The following EYA4 variants were observed in gnomAD, a reference collection of about 807,000 sequenced individuals.
The protein encoded by EYA4 is EYA transcriptional coactivator and phosphatase 4.
In EYA4, 31 loss-of-function variants were observed where a neutral mutation model predicts 87.9. The observed-to-expected ratio is 0.35, with a 90% CI of 0.27 to 0.48. EYA4 has a LOEUF of 0.48. EYA4 is among the 20% of genes least tolerant of loss of function. EYA4 has a pLI of 0.99. For missense variants in EYA4, 678 were observed against 761.4 expected, an observed-to-expected ratio of 0.89 and a Z score of 1.29; for synonymous variants, 263 against 270.6, an observed-to-expected ratio of 0.97 and a Z score of 0.28.
At chr6:133,426,963 A>G (rs1002203205) in intron 3 of EYA4, among the ~76,000 whole-genome samples, 3 of 152,178 alleles carry the variant, frequency 2.0e-5, no homozygotes, top group African/African-American at 7.2e-5. Flanking sequence ...TTCTCTCTAT[A>G]TATCGGAATC....
chr6:133,481,829 A>T (rs964352022), intron 12 of EYA4, among the ~76,000 whole-genome samples: 1 of 152,208 alleles, frequency 6.6e-6, no homozygotes, highest in East Asian at 1.9e-4. Context: ...TGATTTACAG[A>T]TTATTGGCCT....
intron 2 of EYA4, among the ~76,000 whole-genome samples, chr6:133,311,845 A>C (rs1780248181): frequency 6.6e-6 from 1 of 151,948 alleles, no homozygotes; most frequent in Non-Finnish European, 1.5e-5. Context: ...CATAGTAATA[A>C]ATTAATAAAT....
At chr6:133,348,781 C>T (rs1783415603) in intron 2 of EYA4, among the ~76,000 whole-genome samples, 1 of 152,124 alleles carries the variant, frequency 6.6e-6, no homozygotes, top group Admixed American at 6.5e-5. Flanking sequence ...CAACCTAGCT[C>T]AGAGGTTCAT....
At chr6:133,423,156 G>A (rs1790367591) in intron 3 of EYA4, among the ~76,000 whole-genome samples, 3 of 152,104 alleles carry the variant, frequency 2.0e-5, no homozygotes, top group South Asian at 2.1e-4. Context: ...TCAGGGAGGA[G>A]AAAGAGTAAG....
At chr6:133,495,113 A>T (rs964547507) in intron 13 of EYA4, among the ~76,000 whole-genome samples, 1 of 151,744 alleles carries the variant, frequency 6.6e-6, no homozygotes, top group Non-Finnish European at 1.5e-5. Context: ...TGCTAAAAAT[A>T]AAAAAATTAG....
chr6:133,427,961 A>C (rs1790819547), intron 3 of EYA4, among the ~76,000 whole-genome samples: 1 of 152,198 alleles, frequency 6.6e-6, no homozygotes, highest in Non-Finnish European at 1.5e-5. Context: ...AAAGGAGTGA[A>C]CACTTTGGAA....
rs151179883 is a variant in EYA4 at position 133,464,764 on chromosome 6, G to T, written c.725-15G>T. 2.5e-5 allele frequency: 38 copies of T among 1,516,928 alleles called. No individual in the cohort carries two copies. The African/African-American group carries it at 5.1e-4, about 20-fold the overall frequency. The allele number at this position is 1,516,928 out of a possible 1,614,324, so 94.0% of individuals were successfully genotyped here. On this transcript the variant is annotated splice_polypyrimidine_tract_variant and intron_variant, in intron 9 of 19. Coordinates refer to ENST00000355286, the MANE Select transcript of EYA4 (RefSeq NM_004100.5). ...AAGGAATACTTTTAAAATGCAATTT[G>T]TTTTTTACCTCTAGGTTCTAGTTTT...
chr6:133,255,604 AT>A (rs752341726), intron 1 of EYA4, among the ~76,000 whole-genome samples: 83 of 151,286 alleles, frequency 5.5e-4, no homozygotes, highest in South Asian at 1.0e-3. Context: ...CTTTTCAGGC[AT>A]TTTTTTTTCT....
At chr6:133,427,117 G>A (rs1790745042) in intron 3 of EYA4, among the ~76,000 whole-genome samples, 1 of 152,176 alleles carries the variant, frequency 6.6e-6, no homozygotes, top group South Asian at 2.1e-4. Flanking sequence ...ATTAACAGTT[G>A]CATGGTGCTG....
intron 13 of EYA4, among the ~76,000 whole-genome samples, chr6:133,503,708 A>G (rs1258957035): frequency 6.6e-6 from 1 of 152,106 alleles, no homozygotes; most frequent in Non-Finnish European, 1.5e-5. Context: ...AGTTCCCCCA[A>G]CCCTGTCAAA....
At chr6:133,264,939 A>G (rs1342350240) in intron 1 of EYA4, among the ~76,000 whole-genome samples, 1 of 152,120 alleles carries the variant, frequency 6.6e-6, no homozygotes, top group East Asian at 1.9e-4. Flanking sequence ...TCAAGTGATC[A>G]GAGGATTAGG....
chr6:133,384,012 C>T (rs1393070190), intron 3 of EYA4, among the ~76,000 whole-genome samples: 1 of 152,110 alleles, frequency 6.6e-6, no homozygotes, highest in African/African-American at 2.4e-5. Flanking sequence ...AGCAGCTGGT[C>T]TTGGGAGTTA....
At chr6:133,303,947 A>AG (rs1435851095) in intron 2 of EYA4, among the ~76,000 whole-genome samples, 2 of 152,080 alleles carry the variant, frequency 1.3e-5, no homozygotes, top group African/African-American at 4.8e-5. Context: ...TGGTGGGTAC[A>AG]GGGGTCAGAC....
chr6:133,341,291 C>T (rs147469319), intron 2 of EYA4, among the ~76,000 whole-genome samples: 26 of 152,272 alleles, frequency 1.7e-4, no homozygotes, highest in African/African-American at 5.8e-4. Flanking sequence ...TTTCCACTTA[C>T]CTTTAAAATT....
intron 1 of EYA4, among the ~76,000 whole-genome samples, chr6:133,261,518 T>C (rs1252979159): frequency 1.3e-5 from 2 of 152,208 alleles, no homozygotes; most frequent in African/African-American, 4.8e-5. Context: ...TTATACAGAA[T>C]GACAACTAAA....
At chr6:133,516,396 A>T (rs1421148436) in intron 17 of EYA4, among the ~76,000 whole-genome samples, 1 of 152,042 alleles carries the variant, frequency 6.6e-6, no homozygotes, top group African/African-American at 2.4e-5. Context: ...AAAAAAAAAG[A>T]ATCTGTCAGC....
At chr6:133,331,817 A>G (rs1389825907) in intron 2 of EYA4, among the ~76,000 whole-genome samples, 1 of 152,202 alleles carries the variant, frequency 6.6e-6, no homozygotes, top group Admixed American at 6.5e-5. Flanking sequence ...TTTCAGAGTA[A>G]TTTGGGGGTA....
intron 5 of EYA4, among the ~76,000 whole-genome samples, chr6:133,456,007 A>T (rs1793873292): frequency 6.6e-6 from 1 of 152,178 alleles, no homozygotes; most frequent in Non-Finnish European, 1.5e-5. Flanking sequence ...AAAAATTGTT[A>T]TGCCATTAAA....
In EYA4 at chr6:133,323,073, CGT is replaced by C. The variant is rs141727232; in HGVS notation, c.33+48281_33+48282del. ...TCTATGTCTATATCAGTATAAAATC[CGT>C]GTGTGTGTGTGTGTGTGTGTTTGTG... On this transcript the variant is annotated intron_variant, in intron 2 of 19. Transcript: ENST00000355286. Among the ~76,000 whole-genome samples, 1,010 of 149,146 alleles carry C rather than the reference CGT, an allele frequency of 6.8e-3. 2 individuals carry two copies. The highest frequency in any genetic ancestry group is 0.014 in the African/African-American group (569 of 40,730).
Sources: allele counts gnomAD v4.1 joint callset (sites outside exome capture counted in the v4.1 genomes callset), GRCh38; gene constraint gnomAD v4.1.1; transcripts MANE v1.5; gene names NCBI Gene and HGNC (gene_info 2026-07-23, HGNC 2026-07-21).